TLN2: variants seen among roughly 807,000 people sequenced by gnomAD.
TLN2 encodes talin 2.
TLN2 carries 118 observed loss-of-function variants against 294.7 expected under a neutral mutation model. That is an observed-to-expected ratio of 0.40 (90% CI 0.34 to 0.47). The LOEUF is 0.47. Among genes scored for constraint, TLN2 ranks in the 20% least tolerant of loss-of-function variants. The pLI, the probability that TLN2 is intolerant of heterozygous loss-of-function variation, is 0.84. For synonymous variants in TLN2, 1,431 were observed against 1,304.5 expected, an observed-to-expected ratio of 1.10 and a Z score of -2.09; for missense variants, 3,083 against 3,282.2, an observed-to-expected ratio of 0.94 and a Z score of 1.48.
In TLN2 at chr15:62,800,837, T is replaced by G. The variant is rs943685772; in HGVS notation, c.6477+68T>G. 3 of 1,358,554 alleles carry G rather than the reference T, an allele frequency of 2.2e-6. No individual in the cohort carries two copies. In the African/African-American group the frequency reaches 4.3e-5, roughly 20 times the overall value. 84.2% of individuals were successfully genotyped at this position (1,358,554 alleles called of 1,614,324 possible). Reference sequence around the variant, plus strand: ...CAGCTGACCCCAGTGAGGGCTCATTTGAGGTTTTTTACCAATGAGGTTTTA... The same window carrying G: ...CAGCTGACCCCAGTGAGGGCTCATTGGAGGTTTTTTACCAATGAGGTTTTA... On this transcript the variant is annotated intron_variant, in intron 50 of 58. Coordinates refer to ENST00000636159, the MANE Select transcript of TLN2 (RefSeq NM_015059.3).
chr15:62,491,965 G>A (rs1481695374), intron 1 of TLN2, among the ~76,000 whole-genome samples: 7 of 152,102 alleles, frequency 4.6e-5, no homozygotes, highest in Non-Finnish European at 1.0e-4. Context: ...GCGGCAGGGA[G>A]CAGGGAGTAT....
intron 9 of TLN2, among the ~76,000 whole-genome samples, chr15:62,668,705 T>G (rs2055029796): frequency 6.6e-6 from 1 of 151,984 alleles, no homozygotes; most frequent in Non-Finnish European, 1.5e-5. Context: ...AGCCTCAGAG[T>G]CAGTGTGTAG....
chr15:62,527,999 T>C (rs2040831432), intron 1 of TLN2, among the ~76,000 whole-genome samples: 1 of 152,224 alleles, frequency 6.6e-6, no homozygotes, highest in African/African-American at 2.4e-5. Context: ...CACATGAATA[T>C]ATGACTTACC....
At chr15:62,452,789 C>T (rs2036236692) in intron 1 of TLN2, among the ~76,000 whole-genome samples, 1 of 152,338 alleles carries the variant, frequency 6.6e-6, no homozygotes, top group East Asian at 1.9e-4. Flanking sequence ...TGGAGACAGT[C>T]CTCCTGCTCC....
chr15:62,447,347 G>A (rs140284240), intron 1 of TLN2, among the ~76,000 whole-genome samples: 1,667 of 152,122 alleles, frequency 0.011, 117 homozygotes, highest in Admixed American at 0.094. Flanking sequence ...GTTGCACAGT[G>A]GGAGAGGCTG....
At chr15:62,698,281 A>T (rs2058491873) in intron 15 of TLN2, among the ~76,000 whole-genome samples, 1 of 151,794 alleles carries the variant, frequency 6.6e-6, no homozygotes, top group African/African-American at 2.4e-5. Flanking sequence ...CGGCCTTGGG[A>T]CTCCCTTGCT....
chr15:62,697,774 C>T lies in TLN2; in HGVS notation c.1379C>T (p.Ser460Phe), dbSNP rs1354018424. The T allele has an allele frequency of 4.3e-6, 7 of 1,612,448 alleles. No individual in the cohort carries two copies. The Admixed American group carries it at 6.7e-5, about 15-fold the overall frequency. ...VALPAVMRSG[S>F]SGPETFNVGS... ...CTGCCGGCCGTGATGCGCTCGGGCT[C>T]CAGCGGGCCTGAGACCTTCAACGTT... is the stretch of plus-strand genomic sequence containing the variant. Residue 460 changes from serine to phenylalanine, a missense_variant, in exon 15 of 59, where the codon TCC (serine) becomes TTC (phenylalanine). Coordinates refer to ENST00000636159, the MANE Select transcript of TLN2 (RefSeq NM_015059.3).
chr15:62,463,797 G>T (rs1222738312), intron 1 of TLN2, among the ~76,000 whole-genome samples: 1 of 152,194 alleles, frequency 6.6e-6, no homozygotes, highest in African/African-American at 2.4e-5. Flanking sequence ...TGAGGTGGGA[G>T]AATGGCATGA....
chr15:62,679,386 G>C (rs970543346), intron 11 of TLN2, among the ~76,000 whole-genome samples: 4 of 152,154 alleles, frequency 2.6e-5, no homozygotes, highest in African/African-American at 9.7e-5. Context: ...CTGATGAATG[G>C]GTAGACAATT....
intron 52 of TLN2, among the ~76,000 whole-genome samples, chr15:62,816,385 A>G (rs2067119116): frequency 6.6e-6 from 1 of 152,260 alleles, no homozygotes; most frequent in Non-Finnish European, 1.5e-5. Flanking sequence ...TGGCAGGGCT[A>G]AAATTATCCT....
At chr15:62,673,655 T>C (rs146195768) in intron 9 of TLN2, among the ~76,000 whole-genome samples, 172 bp from the exon 10 acceptor site, 46 of 152,132 alleles carry the variant, frequency 3.0e-4, no homozygotes, top group African/African-American at 9.6e-4. Context: ...ACTAGTTTTA[T>C]GTCCGTGCCC....
At chr15:62,502,813 T>C (rs1051522107) in intron 1 of TLN2, among the ~76,000 whole-genome samples, 1 of 152,174 alleles carries the variant, frequency 6.6e-6, no homozygotes, top group African/African-American at 2.4e-5. Context: ...TGATAGATGG[T>C]CTTGGGCTTC....
intron 12 of TLN2, among the ~76,000 whole-genome samples, chr15:62,688,537 G>C (rs1427590329): frequency 1.3e-5 from 2 of 152,280 alleles, no homozygotes; most frequent in Non-Finnish European, 1.5e-5. Context: ...TGATGGTGGT[G>C]TTCCAGTCTT....
chr15:62,406,974 G>A (rs992493981), intron 1 of TLN2, among the ~76,000 whole-genome samples: 1 of 152,098 alleles, frequency 6.6e-6, no homozygotes, highest in Non-Finnish European at 1.5e-5. Flanking sequence ...GGGATGGGGG[G>A]TACAATTCAA....
chr15:62,698,902 C>T, intron 16 of TLN2, 35 bp downstream of exon 16: 2 of 1,578,508 alleles, frequency 1.3e-6, no homozygotes, highest in Non-Finnish European at 1.7e-6. Context: ...TGCCAAGTCT[C>T]TGCCCTGGCA....
chr15:62,427,360 A>T (rs1351816393), intron 1 of TLN2, among the ~76,000 whole-genome samples: 1 of 152,096 alleles, frequency 6.6e-6, no homozygotes, highest in African/African-American at 2.4e-5. Context: ...ACTTACTTTT[A>T]TTCTCCTTGG....
chr15:62,500,796 T>A (rs982141935), intron 1 of TLN2, among the ~76,000 whole-genome samples: 8 of 152,252 alleles, frequency 5.3e-5, no homozygotes, highest in Admixed American at 5.2e-4. Context: ...GGGCAACTTT[T>A]TCCTGCTATT....
At chr15:62,562,703 C>G (rs1206478255) in intron 1 of TLN2, among the ~76,000 whole-genome samples, 1 of 152,044 alleles carries the variant, frequency 6.6e-6, no homozygotes, top group African/African-American at 2.4e-5. Flanking sequence ...ACTTCCCACC[C>G]TTTCCCCTCA....
chr15:62,686,594 G>T (rs1434391458), intron 11 of TLN2, 47 bp from the exon 12 acceptor site: 2 of 1,574,634 alleles, frequency 1.3e-6, no homozygotes, highest in Non-Finnish European at 1.7e-6. Flanking sequence ...GGCAAAGTCA[G>T]ATGTATTCAG....
Sources: gnomAD v4.1 joint callset for allele counts (sites outside exome capture counted in the v4.1 genomes callset) on GRCh38, gnomAD v4.1.1 for gene constraint, MANE v1.5 for transcripts, NCBI Gene and HGNC (gene_info 2026-07-23, HGNC 2026-07-21) for gene names.